Variants in GOSR1 observed in about 807,000 individuals in gnomAD.
GOSR1 encodes the protein 28 kDa Golgi SNARE protein.
GOSR1 carries 21 observed loss-of-function variants against 35.5 expected under a neutral mutation model. The observed-to-expected ratio is 0.59, with a 90% CI of 0.42 to 0.85. GOSR1 has a LOEUF of 0.85. Ranked by LOEUF, GOSR1 falls within the 40% of genes least tolerant of loss-of-function variation. The pLI, the probability that GOSR1 is intolerant of heterozygous loss-of-function variation, is 0.00. For synonymous variants in GOSR1, 94 were observed against 106.6 expected, an observed-to-expected ratio of 0.88 and a Z score of 0.73; for missense variants, 285 against 309.6, an observed-to-expected ratio of 0.92 and a Z score of 0.60.
At position 30,526,152 on chromosome 17, in the gene GOSR1, C is replaced by T. The variant is rs1261825801; in HGVS notation, c.*3774C>T. ...CTCCTTACGGACCAGTTACCAGATT[C>T]AGAGGCTAACAGTTAGTTACTTGTT... On this transcript the variant is annotated 3_prime_UTR_variant, in exon 9 of 9. Coordinates refer to ENST00000451249, the MANE Select transcript of GOSR1 (RefSeq NM_001007025.2). 2.0e-5 allele frequency: 3 copies of T among 152,212 alleles called. No individual in the cohort carries two copies. Among genetic ancestry groups the T allele is most frequent in the Non-Finnish European group, 4.4e-5 (3 of 68,042 alleles). The allele number at this position is 152,212 out of a possible 1,614,324, so 9.4% of individuals were successfully genotyped here. A position where few individuals can be genotyped will look rare whatever the true frequency, so the allele number is the denominator to read the frequency against.
chr17:30,523,670 G>C lies in GOSR1; in HGVS notation c.*1292G>C, dbSNP rs1178956379. The C allele has an allele frequency of 5.8e-6, 1 of 171,842 alleles. No homozygotes were observed. The highest frequency in any genetic ancestry group is 1.2e-5 in the Non-Finnish European group (1 of 83,578). 10.6% of individuals were successfully genotyped at this position (171,842 alleles called of 1,614,324 possible). A position where few individuals can be genotyped will look rare whatever the true frequency, so the allele number is the denominator to read the frequency against. ...GCCCCTGCCCGGCCGCCCCTACTGG[G>C]AAGTGAGGAGCCCCTCTGCCTGGCC... On this transcript the variant is annotated 3_prime_UTR_variant, in exon 9 of 9. Coordinates refer to ENST00000451249, the MANE Select transcript of GOSR1 (RefSeq NM_001007025.2).
rs1394533761 is a variant in GOSR1 at position 30,487,269 on chromosome 17, T to A, written c.342+2499T>A. 3.3e-5 allele frequency among the ~76,000 whole-genome samples: 5 copies of A among 152,108 alleles called. No homozygotes were observed. In the East Asian group the frequency reaches 7.7e-4, roughly 23 times the overall value. Reference sequence around the variant, plus strand: ...CCATTGCTTAATTATTCAGAGATTTTAAAAAAACAATTCTATCTCAATCCT... The same window carrying A: ...CCATTGCTTAATTATTCAGAGATTTAAAAAAAACAATTCTATCTCAATCCT... On this transcript the variant is annotated intron_variant, in intron 4 of 8. Transcript: ENST00000451249.
chr17:30,496,939 G>A (rs1967027650), intron 6 of GOSR1, among the ~76,000 whole-genome samples: 1 of 152,184 alleles, frequency 6.6e-6, no homozygotes, highest in Non-Finnish European at 1.5e-5. Context: ...AACTAGAATT[G>A]CAGATTGTGC....
At chr17:30,492,598 A>G (rs1285282977) in intron 5 of GOSR1, 81 bp from the exon 6 acceptor site, 8 of 770,946 alleles carry the variant, frequency 1.0e-5, no homozygotes, top group African/African-American at 1.7e-5. Flanking sequence ...CAATTTTTCT[A>G]CTTTCAAGAT....
At chr17:30,491,826 A>C (rs949810065) in intron 5 of GOSR1, among the ~76,000 whole-genome samples, 2 of 152,208 alleles carry the variant, frequency 1.3e-5, no homozygotes, top group African/African-American at 4.8e-5. Context: ...TCATTTTACA[A>C]AACTAGGTAT....
chr17:30,510,626 A>G (rs1214658087), intron 6 of GOSR1: 1 of 246,724 alleles, frequency 4.1e-6, no homozygotes, highest in Non-Finnish European at 8.1e-6. Flanking sequence ...AGGCAGGAGA[A>G]TAGCTTGAAC....
intron 6 of GOSR1, among the ~76,000 whole-genome samples, chr17:30,510,303 G>T (rs187388019): frequency 1.2e-4 from 19 of 152,190 alleles, no homozygotes; most frequent in African/African-American, 4.1e-4. Context: ...CGAACTCCTG[G>T]CCTCAAGTGA....
intron 6 of GOSR1, among the ~76,000 whole-genome samples, chr17:30,500,198 T>C (rs891329122): frequency 6.6e-6 from 1 of 152,162 alleles, no homozygotes; most frequent in African/African-American, 2.4e-5. Context: ...GGTTGATCAG[T>C]TTTTTCTTTC....
chr17:30,501,583 G>A (rs944245422), intron 6 of GOSR1, among the ~76,000 whole-genome samples: 4 of 151,148 alleles, frequency 2.6e-5, no homozygotes, highest in Non-Finnish European at 4.4e-5. Context: ...TGCATCCTCC[G>A]CCTCCCGGGT....
chr17:30,498,106 A>G (rs976351206), intron 6 of GOSR1, among the ~76,000 whole-genome samples: 1 of 151,220 alleles, frequency 6.6e-6, no homozygotes, highest in Non-Finnish European at 1.5e-5. Context: ...CTTATTAGTC[A>G]TTAGTCTTAT....
chr17:30,521,668 C>T (rs1036024504), intron 8 of GOSR1, among the ~76,000 whole-genome samples: 1 of 151,856 alleles, frequency 6.6e-6, no homozygotes, highest in African/African-American at 2.4e-5. Context: ...CTGCCTTCTG[C>T]TGCGAAGTAA....
intron 1 of GOSR1, 170 bp from the exon 2 acceptor site, chr17:30,480,973 A>T (rs976969782): frequency 2.1e-6 from 1 of 487,416 alleles, no homozygotes; most frequent in Non-Finnish European, 3.8e-6. Context: ...TGGCCTCCCA[A>T]AGTGGTGGGA....
At chr17:30,506,788 G>C (rs1967416746) in intron 6 of GOSR1, among the ~76,000 whole-genome samples, 1 of 152,232 alleles carries the variant, frequency 6.6e-6, no homozygotes, top group Admixed American at 6.5e-5. Context: ...AAGGACAGCT[G>C]ACTGTCTTTT....
intron 6 of GOSR1, among the ~76,000 whole-genome samples, chr17:30,503,044 TTTTA>T (rs2143794465): frequency 6.6e-6 from 1 of 152,344 alleles, no homozygotes; most frequent in South Asian, 2.1e-4. Flanking sequence ...ATTTTTAAAT[TTTTA>T]TTTATTATTC....
chr17:30,482,601 GATCT>G (rs1914427782), intron 2 of GOSR1, among the ~76,000 whole-genome samples: 1 of 152,148 alleles, frequency 6.6e-6, no homozygotes. Context: ...TTTGAATCTA[GATCT>G]ATCTCCAGAG....
intron 6 of GOSR1, among the ~76,000 whole-genome samples, chr17:30,502,474 T>A (rs755994257): frequency 3.0e-4 from 46 of 152,250 alleles, no homozygotes; most frequent in Non-Finnish European, 5.6e-4. Flanking sequence ...TCTAAAATTG[T>A]TCTAGCAATA....
At chr17:30,491,614 G>A (rs1385327121) in intron 5 of GOSR1, among the ~76,000 whole-genome samples, 4 of 151,992 alleles carry the variant, frequency 2.6e-5, no homozygotes, top group Non-Finnish European at 5.9e-5. Context: ...AGCTGTGATC[G>A]TGCCACTGCA....
At chr17:30,499,673 T>C (rs1232041335) in intron 6 of GOSR1, among the ~76,000 whole-genome samples, 1 of 152,174 alleles carries the variant, frequency 6.6e-6, no homozygotes, top group Non-Finnish European at 1.5e-5. Flanking sequence ...TACTTGGAGT[T>C]GTATTGTTGA....
intron 2 of GOSR1, among the ~76,000 whole-genome samples, chr17:30,481,702 TATTA>T (rs1914363463): frequency 6.6e-6 from 1 of 152,242 alleles, no homozygotes; most frequent in Admixed American, 6.5e-5. Flanking sequence ...GTATCCTTGT[TATTA>T]ATTATCAAAG....
Sources: gnomAD v4.1 joint callset for allele counts (sites outside exome capture counted in the v4.1 genomes callset) on GRCh38, gnomAD v4.1.1 for gene constraint, MANE v1.5 for transcripts, NCBI Gene and HGNC (gene_info 2026-07-23, HGNC 2026-07-21) for gene names.